Variants in TUSC3 observed in about 807,000 individuals in gnomAD.
TUSC3 encodes dolichyl-diphosphooligosaccharide--protein glycosyltransferase subunit TUSC3.
Under a neutral mutation model 44.8 loss-of-function variants are expected in TUSC3, and 45 were observed. That is an observed-to-expected ratio of 1.00 (90% CI 0.79 to 1.29). TUSC3 has a LOEUF of 1.29. TUSC3 is among the 50% of genes most tolerant of loss of function. The pLI, the probability that TUSC3 is intolerant of heterozygous loss-of-function variation, is 0.00. For missense variants in TUSC3, 519 were observed against 437.9 expected, an observed-to-expected ratio of 1.19 and a Z score of -1.65; for synonymous variants, 212 against 152.9, an observed-to-expected ratio of 1.39 and a Z score of -2.85.
chr8:15,743,638 T>C (rs1405370797), intron 8 of TUSC3, 26 bp downstream of exon 8: 2 of 1,612,816 alleles, frequency 1.2e-6, no homozygotes, highest in Non-Finnish European at 1.7e-6. Context: ...GCCATTTTTG[T>C]AATTTCGTTT....
chr8:15,586,154 AT>A (rs1221751199), intron 1 of TUSC3, among the ~76,000 whole-genome samples: 1 of 152,182 alleles, frequency 6.6e-6, no homozygotes, highest in African/African-American at 2.4e-5. Context: ...GTATCCATAT[AT>A]TTGCCTGTTA....
At chr8:15,645,501 C>G (rs1806585299) in intron 2 of TUSC3, among the ~76,000 whole-genome samples, 1 of 152,188 alleles carries the variant, frequency 6.6e-6, no homozygotes, top group African/African-American at 2.4e-5. Context: ...CTGTATAGCA[C>G]CTACAGTCTA....
chr8:15,596,853 G>T (rs919086740), intron 1 of TUSC3, among the ~76,000 whole-genome samples: 2 of 151,902 alleles, frequency 1.3e-5, no homozygotes, highest in Non-Finnish European at 2.9e-5. Context: ...TGTTCTAATT[G>T]TACTTAATTA....
the TUSC3 span, among the ~76,000 whole-genome samples, chr8:15,787,226 T>C: frequency 6.6e-6 from 1 of 152,164 alleles, no homozygotes; most frequent in Non-Finnish European, 1.5e-5. Flanking sequence ...TTCAACTTAG[T>C]TTCAAAAATA....
chr8:15,590,861 A>T lies in TUSC3; in HGVS notation c.139-32219A>T, dbSNP rs891383577. Among the ~76,000 whole-genome samples, 3 of 152,012 alleles carry T rather than the reference A, an allele frequency of 2.0e-5. No individual in the cohort carries two copies. In the East Asian group the frequency reaches 5.8e-4, roughly 29 times the overall value. ...TAATTTTTTTGTATTTTTTGAGGAGACGGAGTTTTGCTATGTTGCCCAGGC... is the reference window on the plus strand; with the variant it reads ...TAATTTTTTTGTATTTTTTGAGGAGTCGGAGTTTTGCTATGTTGCCCAGGC... On this transcript the variant is annotated intron_variant, in intron 1 of 10. Transcript: ENST00000503731.
chr8:15,583,921 G>C (rs10093263), intron 1 of TUSC3, among the ~76,000 whole-genome samples: 2,648 of 152,284 alleles, frequency 0.017, 78 homozygotes, highest in African/African-American at 0.06. Context: ...AAGGAAATAA[G>C]AGGAGTAGCA....
At chr8:15,786,194 G>C in the TUSC3 span, among the ~76,000 whole-genome samples, 1 of 152,126 alleles carries the variant, frequency 6.6e-6, no homozygotes, top group Non-Finnish European at 1.5e-5. Flanking sequence ...CCTCTAAAGA[G>C]ACCACTGCAA....
intron 2 of TUSC3, among the ~76,000 whole-genome samples, chr8:15,627,269 G>C (rs1414530569): frequency 6.6e-6 from 1 of 152,174 alleles, no homozygotes; most frequent in African/African-American, 2.4e-5. Flanking sequence ...CTATAGGACA[G>C]CCTGCCTGGC....
At chr8:15,674,133 T>A (rs896910003) in intron 6 of TUSC3, among the ~76,000 whole-genome samples, 1 of 152,064 alleles carries the variant, frequency 6.6e-6, no homozygotes, top group African/African-American at 2.4e-5. Context: ...GGCGATAACA[T>A]GTAACCCCAC....
intron 3 of TUSC3, chr8:15,651,016 C>A (rs1274195997): frequency 1.4e-4 from 58 of 401,136 alleles, no homozygotes; most frequent in South Asian, 2.7e-4. Context: ...CACACACACA[C>A]ACACACAAAT....
intron 1 of TUSC3, among the ~76,000 whole-genome samples, chr8:15,441,068 CA>C: frequency 6.6e-6 from 1 of 152,262 alleles, no homozygotes; most frequent in African/African-American, 2.4e-5. Flanking sequence ...CTTTCATTTG[CA>C]ACTAAAACTG....
chr8:15,514,593 C>G (rs113357457), intron 2 of TUSC3, among the ~76,000 whole-genome samples: 55 of 152,294 alleles, frequency 3.6e-4, no homozygotes, highest in African/African-American at 1.3e-3. Flanking sequence ...ATTCTAGATG[C>G]ATAATTGCAA....
At chr8:15,460,078 G>C (rs1800323846) in intron 1 of TUSC3, among the ~76,000 whole-genome samples, 2 of 152,106 alleles carry the variant, frequency 1.3e-5, no homozygotes. Flanking sequence ...GGATCAAATG[G>C]TAGTTCTACT....
chr8:15,448,399 A>G (rs147540956), intron 1 of TUSC3, among the ~76,000 whole-genome samples: 2,387 of 152,118 alleles, frequency 0.016, 56 homozygotes, highest in African/African-American at 0.049. Context: ...GATTACAGAC[A>G]TGTGCCACCA....
chr8:15,805,567 T>G, the TUSC3 span, among the ~76,000 whole-genome samples: 1 of 152,160 alleles, frequency 6.6e-6, no homozygotes, highest in Non-Finnish European at 1.5e-5. Flanking sequence ...AAGAGCCTTT[T>G]CTATGCCTAT....
chr8:15,429,002 C>T (rs1032347862), intron 1 of TUSC3, among the ~76,000 whole-genome samples: 1 of 152,136 alleles, frequency 6.6e-6, no homozygotes, highest in Admixed American at 6.6e-5. Context: ...ATTTTGACTT[C>T]TGTTGCCATT....
At chr8:15,624,215 A>G (rs1805388662) in intron 2 of TUSC3, among the ~76,000 whole-genome samples, 1 of 152,190 alleles carries the variant, frequency 6.6e-6, no homozygotes, top group Admixed American at 6.5e-5. Flanking sequence ...TTATTTAACC[A>G]TTTATTTGTT....
chr8:15,796,159 G>T, the TUSC3 span, among the ~76,000 whole-genome samples: 14 of 152,116 alleles, frequency 9.2e-5, no homozygotes, highest in African/African-American at 3.4e-4. Context: ...CTATGTCGGT[G>T]GATATGTTAG....
intron 1 of TUSC3, among the ~76,000 whole-genome samples, chr8:15,600,477 A>G (rs1375491840): frequency 2.0e-5 from 3 of 151,696 alleles, no homozygotes; most frequent in Non-Finnish European, 4.4e-5. Context: ...TTGTATGTAA[A>G]TTTCTCTTCC....
Sources: allele counts gnomAD v4.1 joint callset (sites outside exome capture counted in the v4.1 genomes callset), GRCh38; gene constraint gnomAD v4.1.1; transcripts MANE v1.5; gene names NCBI Gene and HGNC (gene_info 2026-07-23, HGNC 2026-07-21).